ZNF469: variants seen among roughly 807,000 people sequenced by gnomAD.
The protein encoded by ZNF469 is zinc finger protein 469.
Under a neutral mutation model 1.0 loss-of-function variants are expected in ZNF469, and 1 was observed. The observed-to-expected ratio is 1.00, with a 90% CI of 0.35 to 4.73. The LOEUF is 4.73. Among genes scored for constraint, ZNF469 ranks in the 30% most tolerant of loss-of-function variants. ZNF469 has a pLI of 0.16. For missense variants in ZNF469, 6,100 were observed against 5,356.3 expected (o/e 1.14, Z -4.33); for synonymous variants, 2,703 against 2,363.4 (o/e 1.14, Z -4.17).
At chr16:88,375,127 G>C in the ZNF469 span, among the ~76,000 whole-genome samples, 1 of 152,248 alleles carries the variant, frequency 6.6e-6, no homozygotes, top group Non-Finnish European at 1.5e-5. Context: ...GCTTTTTCTG[G>C]TTATGAAATA....
Position 88,439,660 on chromosome 16 carries a change from A to C in ZNF469, c.*328A>C. On this transcript the variant is annotated 3_prime_UTR_variant, in exon 3 of 3. Transcript: ENST00000565624. The stretch of plus-strand genomic sequence containing the variant: ...ACCCCTGCGCCCTGTGGGCACCGAC[A>C]CCACAGAAGCCAATGTTTGGAGATT... 2.8e-6 allele frequency: 1 copy of C among 351,632 alleles called. No homozygotes were observed. The highest frequency in any genetic ancestry group is 5.3e-6 in the Non-Finnish European group (1 of 189,164). The allele number at this position is 351,632 out of a possible 1,614,324, so 21.8% of individuals were successfully genotyped here. A position where few individuals can be genotyped will look rare whatever the true frequency, so the allele number is the denominator to read the frequency against.
the ZNF469 span, among the ~76,000 whole-genome samples, chr16:88,260,282 C>G: frequency 6.6e-6 from 1 of 152,210 alleles, no homozygotes; most frequent in African/African-American, 2.4e-5. This position sits in a 1 kb window ranked among gnomAD's most constrained non-coding sequence, Gnocchi z 4.1. Flanking sequence ...AGCCACCGTG[C>G]CCAGCCAAAA....
the ZNF469 span, among the ~76,000 whole-genome samples, chr16:88,260,000 CAG>C: frequency 3.3e-5 from 5 of 151,888 alleles, no homozygotes; most frequent in Admixed American, 2.0e-4. This position sits in a 1 kb window ranked among gnomAD's most constrained non-coding sequence, Gnocchi z 4.1. Context: ...TGTTTCGAGA[CAG>C]AGTCTCACTC....
rs974537741 is a variant in ZNF469, at chr16:88,439,333, T to G, written c.*1T>G. The G allele has an allele frequency of 5.8e-6, 9 of 1,550,134 alleles. No homozygotes were observed. In the African/African-American group the frequency reaches 1.2e-4, roughly 21 times the overall value. ...TTTAAAGAAAGATGCTTCCGAGTAA[T>G]TTCTAGGAGCAAGAGCCTGGGACCG... On this transcript the variant is annotated 3_prime_UTR_variant, in exon 3 of 3. Coordinates refer to ENST00000565624, the MANE Select transcript of ZNF469 (RefSeq NM_001367624.2).
chr16:88,258,218 G>A, the ZNF469 span, among the ~76,000 whole-genome samples: 69 of 152,354 alleles, frequency 4.5e-4, no homozygotes, highest in African/African-American at 1.6e-3. Context: ...AAGGGTGTGT[G>A]TGTGTGTGTG....
chr16:88,303,038 G>A, the ZNF469 span, among the ~76,000 whole-genome samples: 1 of 152,200 alleles, frequency 6.6e-6, no homozygotes, highest in Non-Finnish European at 1.5e-5. Context: ...GCCTTTCAGA[G>A]GTTGGGTCCC....
rs1348048494 is a variant in ZNF469 at position 88,429,624 on chromosome 16, C to A, written c.2154C>A (p.Ser718=). The change falls in exon 3 of 3, where the codon TCC becomes TCA. Residue 718 remains serine, a synonymous_variant. Transcript: ENST00000565624. ...APPPYPTHHF[S]LSSASLDQLD... is the part of the protein sequence containing the mutation. ...CTCCGTACCCCACACACCACTTCTCCCTCAGCAGCGCCAGCCTGGACCAGC... is the reference window on the plus strand; with the variant it reads ...CTCCGTACCCCACACACCACTTCTCACTCAGCAGCGCCAGCCTGGACCAGC... 9.1e-6 allele frequency: 14 copies of A among 1,545,734 alleles called. No individual in the cohort carries two copies. Among genetic ancestry groups the A allele is most frequent in the African/African-American group, 1.4e-5 (1 of 72,940 alleles).
At chr16:88,148,016 C>T in the ZNF469 span, among the ~76,000 whole-genome samples, 3 of 151,572 alleles carry the variant, frequency 2.0e-5, no homozygotes, top group East Asian at 1.9e-4. Context: ...CAGCTTCCTT[C>T]GTCGTTGTGT....
the ZNF469 span, among the ~76,000 whole-genome samples, chr16:88,364,203 G>A: frequency 2.0e-5 from 3 of 152,122 alleles, no homozygotes; most frequent in Non-Finnish European, 2.9e-5. Flanking sequence ...ATCCAGCAGC[G>A]TTTACTGAAA....
rs1906717485 is a variant in ZNF469 at position 88,437,947 on chromosome 16, C to T, written c.10477C>T (p.Pro3493Ser). Reference protein sequence around the residue: ...APGPGEDRPPPRGSSPILSEG... With the variant: ...APGPGEDRPPSRGSSPILSEG... ...TGGGCCCGGCGAGGACAGGCCTCCTCCCCGGGGAAGCAGCCCCATCCTGAG... is the reference window on the plus strand; with the variant it reads ...TGGGCCCGGCGAGGACAGGCCTCCTTCCCGGGGAAGCAGCCCCATCCTGAG... The change falls in exon 3 of 3, where the codon CCC (proline) becomes TCC (serine). Residue 3493 changes from proline to serine, a missense_variant. Transcript: ENST00000565624. The T allele has an allele frequency of 6.5e-7, 1 of 1,543,250 alleles. No homozygotes were observed. The highest frequency in any genetic ancestry group is 8.7e-7 in the Non-Finnish European group (1 of 1,144,262).
At chr16:88,415,164 A>T (rs1905271825) in intron 1 of ZNF469, among the ~76,000 whole-genome samples, 1 of 152,126 alleles carries the variant, frequency 6.6e-6, no homozygotes, top group Non-Finnish European at 1.5e-5. Flanking sequence ...CCTTGAGAGG[A>T]TTCATGAGGC....
chr16:88,415,856 G>A (rs1390630674), intron 1 of ZNF469, among the ~76,000 whole-genome samples: 1 of 152,204 alleles, frequency 6.6e-6, no homozygotes, highest in African/African-American at 2.4e-5. Flanking sequence ...GCCACACCCG[G>A]CACACAGTCG....
At chr16:88,193,012 ATGG>A in the ZNF469 span, among the ~76,000 whole-genome samples, 177 of 10,234 alleles carry the variant, frequency 0.017, 2 homozygotes, top group African/African-American at 0.038. Flanking sequence ...GATGGTGGTG[ATGG>A]TGGTGGTGGT....
chr16:88,263,013 C>T, the ZNF469 span, among the ~76,000 whole-genome samples: 117 of 152,252 alleles, frequency 7.7e-4, 1 homozygote, highest in South Asian at 0.021. Flanking sequence ...GAAATGCAGG[C>T]GTGGCCCCCG....
the ZNF469 span, among the ~76,000 whole-genome samples, chr16:88,142,626 A>T: frequency 7.6e-4 from 115 of 152,308 alleles, 3 homozygotes; most frequent in South Asian, 0.023. Flanking sequence ...GTGATGTGCC[A>T]GGTGTGGCCC....
the ZNF469 span, among the ~76,000 whole-genome samples, chr16:88,192,986 T>G: frequency 2.8e-5 from 4 of 140,934 alleles, no homozygotes; most frequent in Non-Finnish European, 4.6e-5. Context: ...ATGGTGGTGG[T>G]GATGGTGGTG....
the ZNF469 span, among the ~76,000 whole-genome samples, chr16:88,366,269 CCAT>C: frequency 2.0e-5 from 3 of 151,284 alleles, no homozygotes; most frequent in Non-Finnish European, 4.4e-5. Context: ...ATTATCATCA[CCAT>C]CATTACCTTC....
intron 1 of ZNF469, among the ~76,000 whole-genome samples, chr16:88,404,530 G>A (rs1271980298): frequency 6.6e-6 from 1 of 152,224 alleles, no homozygotes; most frequent in Admixed American, 6.5e-5. Context: ...TGTCATGGCT[G>A]AGCCACAGTG....
the ZNF469 span, among the ~76,000 whole-genome samples, chr16:88,103,622 G>T: frequency 6.6e-6 from 1 of 152,290 alleles, no homozygotes; most frequent in East Asian, 1.9e-4. Flanking sequence ...GCATGAATCA[G>T]ATCATCTTCT....
Sources: allele counts gnomAD v4.1 joint callset (sites outside exome capture counted in the v4.1 genomes callset), GRCh38; gene constraint gnomAD v4.1.1; non-coding constraint Gnocchi (gnomAD v3.1); transcripts MANE v1.5; gene names NCBI Gene and HGNC (gene_info 2026-07-23, HGNC 2026-07-21).